Variants in TAFA1 observed in about 807,000 individuals in gnomAD.
TAFA1 encodes the protein chemokine-like protein TAFA-1.
In TAFA1, 4 loss-of-function variants were observed where a neutral mutation model predicts 18.5. The observed-to-expected ratio is 0.22, with a 90% confidence interval of 0.11 to 0.49. The LOEUF is 0.49. TAFA1 is among the 20% of genes least tolerant of loss of function. The pLI, the probability that TAFA1 is intolerant of heterozygous loss-of-function variation, is 0.98. For missense variants in TAFA1, 147 were observed against 169.0 expected (o/e 0.87, Z 0.72); for synonymous variants, 56 against 55.2 (o/e 1.01, Z -0.06).
intron 3 of TAFA1, among the ~76,000 whole-genome samples, chr3:68,442,585 G>T (rs368650985): frequency 1.3e-5 from 2 of 152,116 alleles, no homozygotes; most frequent in Non-Finnish European, 2.9e-5. Context: ...TTTATGACAC[G>T]TAGTGGCTAC....
intron 3 of TAFA1, among the ~76,000 whole-genome samples, chr3:68,509,959 A>G (rs981614479): frequency 6.6e-6 from 1 of 152,096 alleles, no homozygotes; most frequent in Non-Finnish European, 1.5e-5. Flanking sequence ...CAAGCTAAGA[A>G]AGACTCATGT....
At chr3:68,180,744 CAACATCACCT>C (rs150113980) in intron 2 of TAFA1, among the ~76,000 whole-genome samples, 22,027 of 152,118 alleles carry the variant, frequency 0.14, 1,898 homozygotes, top group Middle Eastern at 0.2. Context: ...ACCAGAATAG[CAACATCACCT>C]ATGTGGTAGG....
At chr3:68,417,706 A>C in intron 3 of TAFA1, 2 of 304,336 alleles carry the variant, frequency 6.6e-6, no homozygotes, top group Non-Finnish European at 6.1e-6. Context: ...GTATTAGTCC[A>C]TTCTCACACT....
At chr3:68,306,124 G>T (rs1332161396) in intron 2 of TAFA1, among the ~76,000 whole-genome samples, 1 of 152,200 alleles carries the variant, frequency 6.6e-6, no homozygotes, top group African/African-American at 2.4e-5. Flanking sequence ...ATACAAACAA[G>T]GGAGCTTCAG....
intron 2 of TAFA1, among the ~76,000 whole-genome samples, chr3:68,137,956 A>G (rs1205895397): frequency 6.7e-6 from 1 of 149,882 alleles, no homozygotes; most frequent in Admixed American, 6.8e-5. Context: ...CTTTGTTACC[A>G]CACATGACTA....
chr3:68,401,297 C>G (rs1243171411), intron 2 of TAFA1, among the ~76,000 whole-genome samples: 1 of 152,098 alleles, frequency 6.6e-6, no homozygotes, highest in Non-Finnish European at 1.5e-5. Flanking sequence ...TTACAGAGTT[C>G]TTCTTGTAAC....
At chr3:68,135,285 A>G (rs2065594132) in intron 2 of TAFA1, among the ~76,000 whole-genome samples, 1 of 152,220 alleles carries the variant, frequency 6.6e-6, no homozygotes, top group African/African-American at 2.4e-5. Flanking sequence ...TAGTCATCAA[A>G]CAACATCTAC....
intron 3 of TAFA1, among the ~76,000 whole-genome samples, chr3:68,464,488 C>T (rs918755406): frequency 2.0e-5 from 3 of 152,030 alleles, no homozygotes; most frequent in African/African-American, 7.2e-5. Context: ...TTCAGAATCT[C>T]CAAGGTGAAA....
At chr3:68,330,252 G>T (rs6798891) in intron 2 of TAFA1, among the ~76,000 whole-genome samples, 3,314 of 152,216 alleles carry the variant, frequency 0.022, 84 homozygotes, top group African/African-American at 0.06. Context: ...TCAGATTCTG[G>T]TTCAGTTTGG....
At chr3:68,320,957 C>T (rs1278715553) in intron 2 of TAFA1, among the ~76,000 whole-genome samples, 2 of 152,090 alleles carry the variant, frequency 1.3e-5, no homozygotes, top group Non-Finnish European at 2.9e-5. Flanking sequence ...GCCCTAATAT[C>T]TCCTCCAGCA....
intron 2 of TAFA1, among the ~76,000 whole-genome samples, chr3:68,194,767 C>T (rs1326577496): frequency 6.6e-6 from 1 of 151,622 alleles, no homozygotes; most frequent in Non-Finnish European, 1.5e-5. Flanking sequence ...AGTATGAAGT[C>T]TTAGTTTCCT....
chr3:68,090,165 T>C (rs954377031), intron 2 of TAFA1, among the ~76,000 whole-genome samples: 2 of 152,130 alleles, frequency 1.3e-5, no homozygotes, highest in African/African-American at 2.4e-5. Context: ...GAGTTGTCAT[T>C]GGTTAATAAC....
chr3:68,018,344 C>A (rs1252033511), intron 2 of TAFA1, among the ~76,000 whole-genome samples: 2 of 152,130 alleles, frequency 1.3e-5, no homozygotes, highest in African/African-American at 2.4e-5. Flanking sequence ...TTATTGTTAT[C>A]TTTGTGCAAT....
chr3:68,378,434 G>T (rs949946253), intron 2 of TAFA1, among the ~76,000 whole-genome samples: 2 of 152,182 alleles, frequency 1.3e-5, no homozygotes, highest in Non-Finnish European at 2.9e-5. Flanking sequence ...CCCAATGCCT[G>T]TAACCACATT....
At chr3:68,536,938 C>G (rs969522296) in intron 3 of TAFA1, among the ~76,000 whole-genome samples, 3 of 152,148 alleles carry the variant, frequency 2.0e-5, no homozygotes, top group Non-Finnish European at 2.9e-5. Context: ...TAATATTACT[C>G]TTGACTTTTA....
chr3:68,156,731 TA>T (rs1398766119), intron 2 of TAFA1, among the ~76,000 whole-genome samples: 1 of 150,972 alleles, frequency 6.6e-6, no homozygotes, highest in African/African-American at 2.5e-5. Flanking sequence ...ATCTTTATAA[TA>T]TTAATAATAA....
At chr3:68,124,201 T>C (rs539626890) in intron 2 of TAFA1, among the ~76,000 whole-genome samples, 177 of 152,358 alleles carry the variant, frequency 1.2e-3, no homozygotes, top group Middle Eastern at 6.8e-3. Context: ...GCCTTGTCAC[T>C]CGATGGTAAC....
At chr3:68,138,418 T>C (rs1243325836) in intron 2 of TAFA1, among the ~76,000 whole-genome samples, 3 of 152,214 alleles carry the variant, frequency 2.0e-5, no homozygotes, top group Non-Finnish European at 4.4e-5. Flanking sequence ...ACATCAGGTT[T>C]TGTGGCTTAT....
chr3:68,483,460 C>A (rs1262025212), intron 3 of TAFA1, among the ~76,000 whole-genome samples: 1 of 152,178 alleles, frequency 6.6e-6, no homozygotes, highest in African/African-American at 2.4e-5. Context: ...TCTTTATGTG[C>A]TCAGTTGTAG....
Sources: allele counts gnomAD v4.1 joint callset (sites outside exome capture counted in the v4.1 genomes callset), GRCh38; gene constraint gnomAD v4.1.1; transcripts MANE v1.5; gene names NCBI Gene and HGNC (gene_info 2026-07-23, HGNC 2026-07-21).